Variants in STYXL1 observed in about 807,000 individuals in gnomAD.
STYXL1 encodes the protein serine/threonine/tyrosine interacting like 1.
In STYXL1, 32 loss-of-function variants were observed where a neutral mutation model predicts 36.4. The ratio of observed to expected loss-of-function variants is 0.88; its 90% CI spans 0.66 to 1.18. STYXL1 has a LOEUF of 1.18. Among genes scored for constraint, STYXL1 ranks in the 50% most tolerant of loss-of-function variants. The probability of loss-of-function intolerance (pLI) is 0.00; values close to 1 mark genes in which losing one functional copy is unlikely to be tolerated. For synonymous variants in STYXL1, 133 were observed against 144.1 expected, an observed-to-expected ratio of 0.92 and a Z score of 0.55; for missense variants, 354 against 394.1, an observed-to-expected ratio of 0.90 and a Z score of 0.86.
chr7:75,996,436 CTT>C lies in STYXL1; in HGVS notation c.*30_*31del. The C allele has an allele frequency of 6.2e-7, 1 of 1,614,134 alleles. No homozygotes were observed. The highest frequency in any genetic ancestry group is 1.1e-5 in the South Asian group (1 of 91,072). On this transcript the variant is annotated 3_prime_UTR_variant, in exon 9 of 9. Transcript: ENST00000359697. ...CCACAAAATGCCCCCAGGTGAGGCT[CTT>C]CAGTACCCTTCGGTGGGCCTCGGAG...
At chr7:75,998,205 T>A (rs1180584937) in intron 8 of STYXL1, among the ~76,000 whole-genome samples, 3 of 152,032 alleles carry the variant, frequency 2.0e-5, no homozygotes, top group Non-Finnish European at 4.4e-5. Context: ...ACTACAGTAA[T>A]CAAAACAGTA....
rs554467484 is a variant in STYXL1, at chr7:76,016,299, T to C, written c.308-2412A>G. Among the ~76,000 whole-genome samples the C allele has an allele frequency of 7.9e-5, 12 of 151,800 alleles. No individual in the cohort carries two copies. The South Asian group carries it at 1.0e-3, about 13-fold the overall frequency. The stretch of plus-strand genomic sequence containing the variant: ...GTATATATGTATATCTATACATACA[T>C]GTGTATATATACACGTATATCTATA... On this transcript the variant is annotated intron_variant, in intron 4 of 8. Coordinates refer to ENST00000359697, the MANE Select transcript of STYXL1 (RefSeq NM_001317785.2).
intron 1 of STYXL1, among the ~76,000 whole-genome samples, chr7:76,036,209 T>C (rs903321081): frequency 1.6e-4 from 24 of 150,146 alleles, no homozygotes; most frequent in African/African-American, 5.4e-4. Flanking sequence ...CGAGTGATTC[T>C]CTCACCTCAG....
Position 76,046,339 on chromosome 7 carries a change from TGCGC to T in STYXL1, c.-5+1319_-5+1322del, listed in dbSNP as rs60118008. Among the ~76,000 whole-genome samples the T allele has an allele frequency of 1.4e-3, 61 of 44,894 alleles. 1 individual carries two copies. Among genetic ancestry groups the T allele is most frequent in the East Asian group, 4.7e-3 (4 of 856 alleles). The allele number at this position is 44,894 out of a possible 152,430, so 29.5% of individuals were successfully genotyped here. ...GTGTGTGTGTGTGTGTGTGTGTGTG[TGCGC>T]GCGCGCGCGCGCGCGCTTTTGAGCC... On this transcript the variant is annotated intron_variant, in intron 1 of 8. Coordinates refer to ENST00000359697, the MANE Select transcript of STYXL1 (RefSeq NM_001317785.2).
At position 76,030,852 on chromosome 7, in the gene STYXL1, A is replaced by T. The variant is rs1055030858; in HGVS notation, c.-4-325T>A. On this transcript the variant is annotated intron_variant, in intron 1 of 8. Coordinates refer to ENST00000359697, the MANE Select transcript of STYXL1 (RefSeq NM_001317785.2). ...CAATGGCAAGACCCCATCTCTACTA[A>T]AAAAAAAAAAAAAAAAAAAAAAAAT... is the stretch of plus-strand genomic sequence containing the variant. Among the ~76,000 whole-genome samples, 209 of 52,804 alleles carry T rather than the reference A, an allele frequency of 4.0e-3. 2 individuals carry two copies. The highest frequency in any genetic ancestry group is 0.031 in the African/African-American group (198 of 6,330). The allele number at this position is 52,804 out of a possible 152,430, so 34.6% of individuals were successfully genotyped here.
chr7:76,030,309 T>C, intron 2 of STYXL1, 112 bp downstream of exon 2: 2 of 759,634 alleles, frequency 2.6e-6, no homozygotes, highest in Non-Finnish European at 4.5e-6. Flanking sequence ...CAGGGATCCC[T>C]GTTCTAAAGT....
intron 1 of STYXL1, among the ~76,000 whole-genome samples, chr7:76,038,583 G>A (rs113056502): frequency 0.077 from 11,678 of 151,630 alleles, 546 homozygotes; most frequent in South Asian, 0.14. Flanking sequence ...CTGCCACCAC[G>A]CCTGGCTTTT....
intron 4 of STYXL1, among the ~76,000 whole-genome samples, chr7:76,017,734 A>G (rs1793550141): frequency 1.3e-5 from 2 of 151,620 alleles, no homozygotes; most frequent in African/African-American, 4.9e-5. Context: ...GAAAATACAA[A>G]AAAATAGCCG....
At chr7:76,005,851 AGG>A (rs1554570052) in intron 5 of STYXL1, among the ~76,000 whole-genome samples, 81 of 24,148 alleles carry the variant, frequency 3.4e-3, no homozygotes, top group Non-Finnish European at 7.2e-3. Flanking sequence ...AGGAAGAGAG[AGG>A]AGGAGAGAGG....
chr7:76,033,164 G>A (rs1180935381), intron 1 of STYXL1, among the ~76,000 whole-genome samples: 2 of 152,060 alleles, frequency 1.3e-5, no homozygotes, highest in Non-Finnish European at 2.9e-5. Flanking sequence ...ATTTATTTTT[G>A]AGACAGGGTC....
At chr7:76,031,257 G>C (rs1364549094) in intron 1 of STYXL1, among the ~76,000 whole-genome samples, 3 of 147,432 alleles carry the variant, frequency 2.0e-5, no homozygotes, top group African/African-American at 7.5e-5. Context: ...CTTGAACCTG[G>C]GAGGCAGAGG....
intron 1 of STYXL1, among the ~76,000 whole-genome samples, chr7:76,036,649 A>ATTTT (rs35777449): frequency 3.7e-5 from 5 of 136,252 alleles, no homozygotes; most frequent in Non-Finnish European, 8.0e-5. Context: ...TTCCATGTGA[A>ATTTT]TTTTTTTTTT....
intron 8 of STYXL1, among the ~76,000 whole-genome samples, chr7:76,000,268 C>A (rs1381865348): frequency 6.6e-6 from 1 of 151,584 alleles, no homozygotes; most frequent in Non-Finnish European, 1.5e-5. Context: ...ACAACTTCAC[C>A]CCCAAAGTGC....
At chr7:75,999,071 G>A in intron 8 of STYXL1, 1 of 157,402 alleles carries the variant, frequency 6.4e-6, no homozygotes, top group Non-Finnish European at 1.4e-5. Flanking sequence ...CCGGGAGGCA[G>A]AGCTTGCAGT....
chr7:76,047,905 T>G lies in STYXL1; in HGVS notation c.-248A>C, dbSNP rs545998429. The G allele has an allele frequency of 6.4e-6, 9 of 1,414,540 alleles. No individual in the cohort carries two copies. The highest frequency in any genetic ancestry group is 8.3e-6 in the Non-Finnish European group (9 of 1,085,534). The allele number at this position is 1,414,540 out of a possible 1,614,324, so 87.6% of individuals were successfully genotyped here. On this transcript the variant is annotated 5_prime_UTR_variant, in exon 1 of 9. Coordinates refer to ENST00000359697, the MANE Select transcript of STYXL1 (RefSeq NM_001317785.2). ...CTGGCCCTCCCACTCCGACCGCAGG[T>G]CCCCCACCGGCCACACAGACGGCTA...
intron 4 of STYXL1, among the ~76,000 whole-genome samples, chr7:76,017,049 C>CT (rs1418145400): frequency 1.4e-4 from 21 of 151,978 alleles, no homozygotes; most frequent in African/African-American, 5.1e-4. Context: ...TAGATGGAGT[C>CT]TCGCTCTTGT....
chr7:76,003,741 C>G lies in STYXL1; in HGVS notation c.697+17G>C. 6.2e-7 allele frequency: 1 copy of G among 1,613,514 alleles called. No individual in the cohort carries two copies. The highest frequency in any genetic ancestry group is 1.7e-5 in the Admixed American group (1 of 60,002). On this transcript the variant is annotated intron_variant, in intron 7 of 8. Transcript: ENST00000359697. ...AGACACAGGCCAGTTGCTACCCGGC[C>G]AAGGAACGCTCCTTACCAATGAAGT...
rs1228451489 is a variant in STYXL1 at position 76,000,466 on chromosome 7, T to A, written c.810+424A>T. The A allele has an allele frequency of 2.2e-5, 10 of 457,540 alleles. No individual in the cohort carries two copies. In the Middle Eastern group the frequency reaches 1.6e-3, roughly 74 times the overall value. 28.3% of individuals were successfully genotyped at this position (457,540 alleles called of 1,614,324 possible). ...GGTGCTGTGAGTTAGGAGCTCCGAG[T>A]TCCGCCTGGGTTTGCTGCGATGGGT... On this transcript the variant is annotated intron_variant, in intron 8 of 8. Transcript: ENST00000359697.
chr7:76,043,385 C>T (rs1796661142), intron 1 of STYXL1, among the ~76,000 whole-genome samples: 1 of 151,980 alleles, frequency 6.6e-6, no homozygotes, highest in African/African-American at 2.4e-5. Flanking sequence ...AGGTGATCCA[C>T]CCACCTCAGC....
Sources: allele counts gnomAD v4.1 joint callset (sites outside exome capture counted in the v4.1 genomes callset), GRCh38; gene constraint gnomAD v4.1.1; transcripts MANE v1.5; gene names NCBI Gene and HGNC (gene_info 2026-07-23, HGNC 2026-07-21).